The following BLTP1 variants were observed in gnomAD, a reference collection of about 807,000 sequenced individuals.
BLTP1 encodes fragile site-associated protein.
the BLTP1 span, chr4:122,266,797 T>C: frequency 6.3e-7 from 1 of 1,598,646 alleles, no homozygotes; most frequent in Non-Finnish European, 8.5e-7. Context: ...TTTTCAAGCC[T>C]CTTCTGAGTC....
chr4:122,250,263 A>G, the BLTP1 span: 1 of 1,276,886 alleles, frequency 7.8e-7, no homozygotes, highest in Non-Finnish European at 1.1e-6. Context: ...CTTGGTGAGA[A>G]AAAAATAGTC....
At chr4:122,256,739 A>G in the BLTP1 span, 1 of 251,064 alleles carries the variant, frequency 4.0e-6, no homozygotes, top group Non-Finnish European at 6.3e-6. Flanking sequence ...ATTATTACTG[A>G]TAATACAGTT....
chr4:122,240,896 T>A, the BLTP1 span, among the ~76,000 whole-genome samples: 1 of 152,214 alleles, frequency 6.6e-6, no homozygotes, highest in Non-Finnish European at 1.5e-5. Context: ...CTATACTTAT[T>A]TGAAGTGTCT....
chr4:122,298,014 A>T, the BLTP1 span: 1 of 263,770 alleles, frequency 3.8e-6, no homozygotes, highest in Non-Finnish European at 5.9e-6. Context: ...GCAGACATTT[A>T]CCTATGTAAC....
the BLTP1 span, chr4:122,192,092 C>A: frequency 1.4e-6 from 1 of 732,678 alleles, no homozygotes; most frequent in Non-Finnish European, 2.1e-6. Context: ...ATGAGAACAA[C>A]CCCTTTTAGG....
chr4:122,268,844 T>C, the BLTP1 span, among the ~76,000 whole-genome samples: 17 of 152,300 alleles, frequency 1.1e-4, no homozygotes, highest in African/African-American at 3.8e-4. Flanking sequence ...TCACTATCAC[T>C]GACACATTTT....
the BLTP1 span, chr4:122,355,769 ACT>A: frequency 2.6e-6 from 4 of 1,559,200 alleles, no homozygotes; most frequent in African/African-American, 2.7e-5. Flanking sequence ...TTTTAATTTG[ACT>A]CTCTCTTTAT....
the BLTP1 span, chr4:122,258,632 C>T: frequency 7.2e-6 from 11 of 1,522,696 alleles, no homozygotes; most frequent in South Asian, 1.3e-4. Flanking sequence ...TAACTAGAAA[C>T]ATAGGGGCTG....
chr4:122,310,420 T>C, the BLTP1 span, among the ~76,000 whole-genome samples: 1 of 152,116 alleles, frequency 6.6e-6, no homozygotes, highest in Non-Finnish European at 1.5e-5. Context: ...TGAGGTTTTT[T>C]TGTGACATGG....
the BLTP1 span, chr4:122,343,427 A>T: frequency 6.2e-7 from 1 of 1,613,824 alleles, no homozygotes; most frequent in African/African-American, 1.3e-5. Context: ...GGGATTAGGC[A>T]GCCCTCTTGG....
At chr4:122,242,449 G>C in the BLTP1 span, among the ~76,000 whole-genome samples, 1 of 152,142 alleles carries the variant, frequency 6.6e-6, no homozygotes. Context: ...GTAGAATGGT[G>C]GTTACCAGAG....
the BLTP1 span, chr4:122,201,032 C>G: frequency 6.2e-7 from 1 of 1,612,864 alleles, no homozygotes. Flanking sequence ...CCAGCTACCC[C>G]CGAATATGGA....
the BLTP1 span, chr4:122,187,591 G>A: frequency 2.1e-6 from 3 of 1,395,906 alleles, no homozygotes; most frequent in African/African-American, 1.5e-5. Context: ...TGATTTTAAT[G>A]TAAGAAAATT....
chr4:122,186,100 C>T, the BLTP1 span: 5 of 1,612,090 alleles, frequency 3.1e-6, 1 homozygote, highest in East Asian at 2.2e-5. Context: ...TCTATAATCG[C>T]TCGGATCTTT....
the BLTP1 span, chr4:122,229,346 C>T: frequency 1.2e-6 from 1 of 844,978 alleles, no homozygotes. Context: ...TCACAGACAG[C>T]CACAAAATTT....
At chr4:122,301,396 A>T in the BLTP1 span, 1 of 1,553,366 alleles carries the variant, frequency 6.4e-7, no homozygotes, top group Non-Finnish European at 8.7e-7. Context: ...TTGCAGTTCA[A>T]GGTAACATAA....
chr4:122,309,200 G>A, the BLTP1 span: 1 of 1,549,816 alleles, frequency 6.5e-7, no homozygotes, highest in South Asian at 1.2e-5. Flanking sequence ...TATGAATCCT[G>A]TGAGGATTTC....
the BLTP1 span, among the ~76,000 whole-genome samples, chr4:122,293,479 A>C: frequency 0.13 from 19,197 of 151,942 alleles, 1,732 homozygotes; most frequent in African/African-American, 0.26. Flanking sequence ...TGACCCTGCC[A>C]GGGAAAACCA....
the BLTP1 span, among the ~76,000 whole-genome samples, chr4:122,166,391 C>T: frequency 0.014 from 2,117 of 152,132 alleles, 23 homozygotes; most frequent in African/African-American, 0.027. Flanking sequence ...TGTAGATATG[C>T]GGCACTATTT....
Sources: gnomAD v4.1 joint callset for allele counts (sites outside exome capture counted in the v4.1 genomes callset) on GRCh38, gnomAD v4.1.1 for gene constraint, MANE v1.5 for transcripts, NCBI Gene and HGNC (gene_info 2026-07-23, HGNC 2026-07-21) for gene names.